Variants in GHR observed in about 807,000 individuals in gnomAD.
The protein encoded by GHR is GH receptor.
In GHR, 35 loss-of-function variants were observed where a neutral mutation model predicts 67.1. That is an observed-to-expected ratio of 0.52 (90% confidence interval 0.40 to 0.69). GHR has a LOEUF of 0.69. Among genes scored for constraint, GHR ranks in the 30% least tolerant of loss-of-function variants. The pLI is 0.00. For missense variants in GHR, 792 were observed against 764.6 expected (o/e 1.04, Z -0.42); for synonymous variants, 272 against 269.1 (o/e 1.01, Z -0.10).
chr5:42,715,180 T>C (rs1429014242), intron 8 of GHR: 2 of 292,968 alleles, frequency 6.8e-6, no homozygotes, highest in South Asian at 2.7e-5. Flanking sequence ...CTGCACTAAA[T>C]TGAATTTTCT....
chr5:42,488,295 T>C (rs1483729712), intron 1 of GHR, among the ~76,000 whole-genome samples: 3 of 152,228 alleles, frequency 2.0e-5, no homozygotes, highest in Non-Finnish European at 4.4e-5. Flanking sequence ...TCCCCTTTTA[T>C]AGATGGGAAA....
At chr5:42,518,607 T>A (rs1177513246) in intron 1 of GHR, among the ~76,000 whole-genome samples, 4 of 152,188 alleles carry the variant, frequency 2.6e-5, no homozygotes, top group Non-Finnish European at 2.9e-5. Context: ...AACCTCTCTG[T>A]TCAGAGTTAG....
At chr5:42,555,976 G>T (rs1749286051) in intron 1 of GHR, among the ~76,000 whole-genome samples, 2 of 152,170 alleles carry the variant, frequency 1.3e-5, no homozygotes, top group African/African-American at 4.8e-5. Context: ...CACCAGCTCG[G>T]ACAATGCTGG....
chr5:42,433,732 ATT>A (rs35539827), intron 1 of GHR, among the ~76,000 whole-genome samples: 8,022 of 77,322 alleles, frequency 0.1, 209 homozygotes, highest in Admixed American at 0.17. Context: ...AAGATATGGT[ATT>A]TTTTTTTTTT....
chr5:42,426,112 C>A (rs1187062271), intron 1 of GHR, among the ~76,000 whole-genome samples: 1 of 152,166 alleles, frequency 6.6e-6, no homozygotes, highest in Non-Finnish European at 1.5e-5. Context: ...ATCTCTGGCG[C>A]CTGCTTAAAC....
chr5:42,665,969 A>G (rs1204727398), intron 3 of GHR, among the ~76,000 whole-genome samples: 3 of 152,036 alleles, frequency 2.0e-5, no homozygotes, highest in Admixed American at 1.3e-4. Flanking sequence ...ACCTGCCCCC[A>G]TGATTCAATT....
chr5:42,482,432 G>A (rs920963775), intron 1 of GHR, among the ~76,000 whole-genome samples: 1 of 152,214 alleles, frequency 6.6e-6, no homozygotes, highest in African/African-American at 2.4e-5. Flanking sequence ...ATTTAAGTCT[G>A]CAGAGGTTAC....
At chr5:42,717,855 CT>C (rs201684716) in intron 8 of GHR, among the ~76,000 whole-genome samples, 196 bp from the exon 9 acceptor site, 5 of 150,396 alleles carry the variant, frequency 3.3e-5, no homozygotes, top group Non-Finnish European at 7.4e-5. Flanking sequence ...TTTAGTTGTT[CT>C]TTTTTTTCCT....
At chr5:42,642,368 G>A (rs1375096358) in intron 3 of GHR, among the ~76,000 whole-genome samples, 1 of 152,004 alleles carries the variant, frequency 6.6e-6, no homozygotes. Flanking sequence ...CTAATAACCA[G>A]TTCTTATGTT....
At chr5:42,505,964 G>A (rs1427672495) in intron 1 of GHR, among the ~76,000 whole-genome samples, 1 of 152,054 alleles carries the variant, frequency 6.6e-6, no homozygotes. Flanking sequence ...CAAATTCCAT[G>A]GTATTTTGAA....
chr5:42,438,691 C>T (rs1743440393), intron 1 of GHR, among the ~76,000 whole-genome samples: 1 of 152,230 alleles, frequency 6.6e-6, no homozygotes, highest in Admixed American at 6.5e-5. Flanking sequence ...GAAACTGAAG[C>T]CTCTTGACCA....
intron 3 of GHR, among the ~76,000 whole-genome samples, chr5:42,662,090 T>C (rs1361734825): frequency 1.3e-5 from 2 of 152,138 alleles, no homozygotes; most frequent in South Asian, 2.1e-4. Context: ...TACAGGAGCA[T>C]CCAGATTCAT....
intron 1 of GHR, among the ~76,000 whole-genome samples, chr5:42,445,579 T>C (rs1743775173): frequency 6.6e-6 from 1 of 152,234 alleles, no homozygotes; most frequent in Non-Finnish European, 1.5e-5. Flanking sequence ...TGACTGTGCT[T>C]TTCTGTGGCT....
intron 2 of GHR, among the ~76,000 whole-genome samples, chr5:42,574,726 A>G (rs1934515893): frequency 6.6e-6 from 1 of 152,262 alleles, no homozygotes; most frequent in Non-Finnish European, 1.5e-5. Context: ...AAATAGAAGA[A>G]TATTAAGAAC....
chr5:42,508,597 G>A (rs1397783353), intron 1 of GHR, among the ~76,000 whole-genome samples: 4 of 152,034 alleles, frequency 2.6e-5, no homozygotes, highest in South Asian at 2.1e-4. Flanking sequence ...TGTTTTAGAC[G>A]GAGTCTTGCT....
chr5:42,608,229 T>G (rs1171367603), intron 2 of GHR, among the ~76,000 whole-genome samples: 1 of 152,026 alleles, frequency 6.6e-6, no homozygotes, highest in Non-Finnish European at 1.5e-5. Context: ...ATATAAATTT[T>G]AGTTGGTACT....
chr5:42,458,869 C>G (rs1464772783), intron 1 of GHR, among the ~76,000 whole-genome samples: 5 of 152,058 alleles, frequency 3.3e-5, no homozygotes, highest in African/African-American at 7.2e-5. Flanking sequence ...ATGTGGCCAA[C>G]AAGCATATGA....
rs902486893 is a variant in GHR, at chr5:42,424,310, G to A, written c.-12+355G>A. On this transcript the variant is annotated intron_variant, in intron 1 of 9. Coordinates refer to ENST00000230882, the MANE Select transcript of GHR (RefSeq NM_000163.5). The surrounding 1 kb of genome is among the most constrained non-coding windows in gnomAD (Gnocchi z 4.1). ...CTCTGGCCCGCGAGTAGTGTACGTG[G>A]AGGGGTTTACTCCGGAGACAGTTTT... 20 of 528,406 alleles carry A rather than the reference G, an allele frequency of 3.8e-5. No homozygotes were observed. The highest frequency in any genetic ancestry group is 5.8e-5 in the Non-Finnish European group (17 of 291,818). 32.7% of individuals were successfully genotyped at this position (528,406 alleles called of 1,614,324 possible).
intron 2 of GHR, among the ~76,000 whole-genome samples, chr5:42,590,867 T>G (rs986812941): frequency 6.6e-6 from 1 of 152,192 alleles, no homozygotes; most frequent in Admixed American, 6.5e-5. Flanking sequence ...CTCTATTGGA[T>G]TTCTTTATCC....
Sources: gnomAD v4.1 joint callset for allele counts (sites outside exome capture counted in the v4.1 genomes callset) on GRCh38, gnomAD v4.1.1 for gene constraint, Gnocchi (gnomAD v3.1) non-coding constraint, MANE v1.5 for transcripts, NCBI Gene and HGNC (gene_info 2026-07-23, HGNC 2026-07-21) for gene names.